Variants in OAF observed in about 807,000 individuals in gnomAD.
OAF encodes the protein out at first homolog.
OAF carries 13 observed loss-of-function variants against 22.5 expected under a neutral mutation model. The ratio of observed to expected loss-of-function variants is 0.58; its 90% confidence interval spans 0.38 to 0.92. OAF has a LOEUF of 0.92. Ranked by LOEUF, OAF falls within the 40% of genes least tolerant of loss-of-function variation. OAF has a pLI of 0.00. For synonymous variants in OAF, 175 were observed against 170.5 expected (o/e 1.03, Z -0.21); for missense variants, 347 against 381.8 (o/e 0.91, Z 0.76).
chr11:120,213,319 C>T (rs1297399659), intron 1 of OAF, among the ~76,000 whole-genome samples: 1 of 152,118 alleles, frequency 6.6e-6, no homozygotes, highest in East Asian at 1.9e-4. Flanking sequence ...TGCTGGTCAT[C>T]TGACTGCCCA....
At chr11:120,213,131 T>G (rs1938172643) in intron 1 of OAF, among the ~76,000 whole-genome samples, 1 of 152,074 alleles carries the variant, frequency 6.6e-6, no homozygotes, top group Non-Finnish European at 1.5e-5. Flanking sequence ...TCCCTGGCTG[T>G]GGCCAGGACA....
chr11:120,227,841 C>A (rs547613247), intron 3 of OAF, among the ~76,000 whole-genome samples: 3 of 152,112 alleles, frequency 2.0e-5, no homozygotes, highest in South Asian at 2.1e-4. Context: ...TCTTGCCCCC[C>A]ACACACATAC....
intron 1 of OAF, 48 bp from the exon 2 acceptor site, chr11:120,225,613 G>A: frequency 6.7e-7 from 1 of 1,489,196 alleles, no homozygotes; most frequent in Non-Finnish European, 8.9e-7. Context: ...GGGCCAGTGG[G>A]AAGGTCCCAC....
In OAF at chr11:120,211,472, G is replaced by A; in HGVS notation, c.193G>A (p.Asp65Asn). The change falls in exon 1 of 4, where the codon GAC (aspartate) becomes AAC (asparagine). Residue 65 changes from aspartate (D) to asparagine (N), a missense_variant. Coordinates refer to ENST00000328965, the MANE Select transcript of OAF (RefSeq NM_178507.4). ...CATCAGCCTCGAGCTGCGCAAGCCC[G>A]ACGGCACCCTCGTCTCCTTCACCGC... ...DSISLELRKPDGTLVSFTADF... is the reference protein window; with the variant it reads ...DSISLELRKPNGTLVSFTADF... 6.6e-7 allele frequency: 1 copy of A among 1,509,608 alleles called. No individual in the cohort carries two copies. The highest frequency in any genetic ancestry group is 8.9e-7 in the Non-Finnish European group (1 of 1,124,992). The allele number at this position is 1,509,608 out of a possible 1,614,324, so 93.5% of individuals were successfully genotyped here.
intron 3 of OAF, 43 bp from the exon 4 acceptor site, chr11:120,228,825 T>TACCAG: frequency 2.3e-6 from 1 of 434,174 alleles, no homozygotes; most frequent in East Asian, 5.5e-5. Flanking sequence ...GCTCCTTCCC[T>TACCAG]CCCTCCCTCC....
intron 1 of OAF, chr11:120,214,037 C>T (rs1938182346): frequency 1.3e-5 from 2 of 152,212 alleles, no homozygotes; most frequent in African/African-American, 4.8e-5. Context: ...TACTACTGCA[C>T]TCCAGCCTGG....
intron 1 of OAF, among the ~76,000 whole-genome samples, chr11:120,213,099 A>C (rs576112419): frequency 2.0e-5 from 3 of 152,068 alleles, no homozygotes; most frequent in African/African-American, 7.2e-5. Context: ...TTGTGGCTGC[A>C]CTAGAATCCT....
intron 1 of OAF, among the ~76,000 whole-genome samples, chr11:120,221,607 G>T (rs917477224): frequency 1.3e-5 from 2 of 152,218 alleles, no homozygotes; most frequent in Admixed American, 6.5e-5. Context: ...TCCCTTCAAG[G>T]TTATGTGGCC....
chr11:120,228,283 C>G (rs1938389043), intron 3 of OAF, among the ~76,000 whole-genome samples: 1 of 152,106 alleles, frequency 6.6e-6, no homozygotes, highest in East Asian at 1.9e-4. Flanking sequence ...CAAGGTTTCA[C>G]CGTGTTGGCC....
intron 1 of OAF, among the ~76,000 whole-genome samples, chr11:120,225,119 C>T (rs1180992338): frequency 6.6e-6 from 1 of 152,208 alleles, no homozygotes; most frequent in Non-Finnish European, 1.5e-5. Flanking sequence ...CAGCCTCCCA[C>T]TCTGCCCTCA....
intron 1 of OAF, among the ~76,000 whole-genome samples, chr11:120,211,814 T>G (rs771927574): frequency 2.0e-5 from 3 of 152,206 alleles, no homozygotes; most frequent in Non-Finnish European, 2.9e-5. Flanking sequence ...GTCATTCCCC[T>G]GTGCTCTAGT....
At chr11:120,211,589 C>CA in intron 1 of OAF, 79 bp downstream of exon 1, 1 of 1,027,900 alleles carries the variant, frequency 9.7e-7, no homozygotes, top group Non-Finnish European at 1.3e-6. Flanking sequence ...TGCCTGCAGA[C>CA]GGAAAGACGG....
chr11:120,219,993 C>G (rs557845599), intron 1 of OAF, among the ~76,000 whole-genome samples: 6 of 152,364 alleles, frequency 3.9e-5, no homozygotes, highest in African/African-American at 1.4e-4. Context: ...CATTGAGCCC[C>G]AGCTGTGCGA....
intron 1 of OAF, among the ~76,000 whole-genome samples, chr11:120,219,971 C>G (rs1938259643): frequency 1.3e-5 from 2 of 152,202 alleles, no homozygotes; most frequent in Admixed American, 6.5e-5. Context: ...ATTCGTTCCT[C>G]CAGCTACTAA....
chr11:120,222,771 G>GTTCCA (rs1938297176), intron 1 of OAF, among the ~76,000 whole-genome samples: 1 of 152,060 alleles, frequency 6.6e-6, no homozygotes. Flanking sequence ...AATTAGCTGG[G>GTTCCA]TGTGGTGGCC....
At chr11:120,211,914 A>G (rs1938154616) in intron 1 of OAF, among the ~76,000 whole-genome samples, 1 of 151,476 alleles carries the variant, frequency 6.6e-6, no homozygotes, top group African/African-American at 2.4e-5. Flanking sequence ...CTTTCCTCCT[A>G]TGGGCCTGGC....
chr11:120,229,377 A>T lies in OAF; in HGVS notation c.*235A>T. The T allele has an allele frequency of 3.8e-6, 2 of 533,200 alleles. No homozygotes were observed. The highest frequency in any genetic ancestry group is 3.1e-5 in the East Asian group (1 of 32,354). The allele number at this position is 533,200 out of a possible 1,614,324, so 33.0% of individuals were successfully genotyped here. ...GTGCCTTCCTTGCGGGCAGAGAGGG[A>T]GAGAAGGGCTCCCCAGATCTACACC... On this transcript the variant is annotated 3_prime_UTR_variant, in exon 4 of 4. Coordinates refer to ENST00000328965, the MANE Select transcript of OAF (RefSeq NM_178507.4).
intron 1 of OAF, among the ~76,000 whole-genome samples, chr11:120,215,048 C>G (rs1450293625): frequency 6.6e-6 from 1 of 152,178 alleles, no homozygotes; most frequent in African/African-American, 2.4e-5. Context: ...AGGCAGCAGT[C>G]GTTTTGGTTT....
chr11:120,222,762 A>C (rs561228096), intron 1 of OAF, among the ~76,000 whole-genome samples: 1 of 151,904 alleles, frequency 6.6e-6, no homozygotes, highest in East Asian at 1.9e-4. Flanking sequence ...AAATACAAAA[A>C]TTAGCTGGGT....
Sources: gnomAD v4.1 joint callset for allele counts (sites outside exome capture counted in the v4.1 genomes callset) on GRCh38, gnomAD v4.1.1 for gene constraint, MANE v1.5 for transcripts, NCBI Gene and HGNC (gene_info 2026-07-23, HGNC 2026-07-21) for gene names.